The following CSMD3 variants were observed in gnomAD, a reference collection of about 807,000 sequenced individuals.
CSMD3 encodes the protein CUB and Sushi multiple domains 3.
CSMD3 carries 177 observed loss-of-function variants against 435.2 expected under a neutral mutation model. The observed-to-expected ratio is 0.41, with a 90% CI of 0.36 to 0.46. CSMD3 has a LOEUF of 0.46. CSMD3 is among the 20% of genes least tolerant of loss of function. CSMD3 has a pLI of 0.34. For missense variants in CSMD3, 4,265 were observed against 4,504.6 expected (o/e 0.95, Z 1.52); for synonymous variants, 1,656 against 1,520.5 (o/e 1.09, Z -2.07).
intron 13 of CSMD3, among the ~76,000 whole-genome samples, chr8:112,785,054 A>C (rs551099134): frequency 6.6e-6 from 1 of 152,112 alleles, no homozygotes; most frequent in East Asian, 1.9e-4. Context: ...CATTAAAGAG[A>C]TCATTCATTA....
Position 113,129,254 on chromosome 8 carries a change from G to A in CSMD3, c.710-30291C>T, listed in dbSNP as rs564881094. ...AGGCTTGACTTATTTCTTCTTGGGG[G>A]ATATTCCCACCATTTGAAGGCAAAA... On this transcript the variant is annotated intron_variant, in intron 4 of 70. Coordinates refer to ENST00000297405, the MANE Select transcript of CSMD3 (RefSeq NM_198123.2). 8.8e-4 allele frequency among the ~76,000 whole-genome samples: 134 copies of A among 152,186 alleles called. 1 individual carries two copies. Among genetic ancestry groups the A allele is most frequent in the Non-Finnish European group, 4.1e-4 (28 of 67,984 alleles).
chr8:112,318,292 C>T (rs1822665396), intron 47 of CSMD3, among the ~76,000 whole-genome samples: 1 of 152,018 alleles, frequency 6.6e-6, no homozygotes, highest in Non-Finnish European at 1.5e-5. Flanking sequence ...TATGAATCTA[C>T]AGCTTCCTGG....
chr8:113,197,237 T>G (rs969258044), intron 3 of CSMD3, among the ~76,000 whole-genome samples: 1 of 151,210 alleles, frequency 6.6e-6, no homozygotes, highest in Admixed American at 6.6e-5. Flanking sequence ...TATGTCACAG[T>G]CAAAACTTTG....
At chr8:112,879,592 G>A (rs939128520) in intron 10 of CSMD3, among the ~76,000 whole-genome samples, 4 of 152,038 alleles carry the variant, frequency 2.6e-5, no homozygotes, top group African/African-American at 9.7e-5. Context: ...AAACTTGCTG[G>A]TTTTGTGGCC....
At chr8:112,479,263 C>T (rs1476172913) in intron 31 of CSMD3, among the ~76,000 whole-genome samples, 2 of 152,162 alleles carry the variant, frequency 1.3e-5, no homozygotes, top group Non-Finnish European at 2.9e-5. Context: ...AAAGACATGA[C>T]TTAAAGTTGG....
At chr8:113,034,616 G>A (rs1264153577) in intron 5 of CSMD3, among the ~76,000 whole-genome samples, 1 of 152,036 alleles carries the variant, frequency 6.6e-6, no homozygotes, top group Non-Finnish European at 1.5e-5. Context: ...TTAGTAGAGA[G>A]TGTTTCAGAA....
intron 22 of CSMD3, among the ~76,000 whole-genome samples, chr8:112,589,974 T>C (rs1386211639): frequency 1.3e-5 from 2 of 152,266 alleles, no homozygotes; most frequent in Middle Eastern, 3.4e-3. Context: ...GAATAGCATA[T>C]GTAAAATAAA....
At chr8:112,651,451 A>C (rs1157285883) in intron 18 of CSMD3, among the ~76,000 whole-genome samples, 1 of 152,162 alleles carries the variant, frequency 6.6e-6, no homozygotes, top group African/African-American at 2.4e-5. Context: ...ACTAAAATAC[A>C]ATAGAGACAA....
Position 112,330,910 on chromosome 8 carries a change from C to A in CSMD3, c.7165+4419G>T, listed in dbSNP as rs150082248. ...TTGTTTTGATTTTTCAAAAAGGGAT[C>A]ATTCTTTGAAGTCAGGCAGACCTAT... On this transcript the variant is annotated intron_variant, in intron 45 of 70. Transcript: ENST00000297405. 5.6e-3 allele frequency among the ~76,000 whole-genome samples: 857 copies of A among 152,104 alleles called. 10 individuals are homozygous for A. Among genetic ancestry groups the A allele is most frequent in the African/African-American group, 0.019 (805 of 41,548 alleles).
intron 5 of CSMD3, among the ~76,000 whole-genome samples, chr8:113,039,442 T>C (rs1008848789): frequency 6.6e-6 from 1 of 152,198 alleles, no homozygotes; most frequent in Non-Finnish European, 1.5e-5. Flanking sequence ...TATGAAGATA[T>C]ATTCACAACA....
rs541503737 is a variant in CSMD3 at position 113,337,895 on chromosome 8, A to G, written c.179-23102T>C. 8.5e-5 allele frequency among the ~76,000 whole-genome samples: 13 copies of G among 152,134 alleles called. No individual in the cohort carries two copies. In the South Asian group the frequency reaches 2.5e-3, roughly 29 times the overall value. On this transcript the variant is annotated intron_variant, in intron 1 of 70. Coordinates refer to ENST00000297405, the MANE Select transcript of CSMD3 (RefSeq NM_198123.2). ...ACTAAGGTAATGCATATGTTAATTA[A>G]CTCAGTTTAGACATTCCATAATATG...
At chr8:113,155,273 A>G (rs1267194417) in intron 4 of CSMD3, among the ~76,000 whole-genome samples, 1 of 152,026 alleles carries the variant, frequency 6.6e-6, no homozygotes, top group Non-Finnish European at 1.5e-5. Context: ...ACCATTCTCC[A>G]GTTCCTTAAT....
intron 22 of CSMD3, among the ~76,000 whole-genome samples, chr8:112,624,568 C>T (rs1385325602): frequency 6.6e-6 from 1 of 152,074 alleles, no homozygotes; most frequent in Non-Finnish European, 1.5e-5. Flanking sequence ...ATCACTTCAT[C>T]TCTCTGATCA....
At chr8:112,506,653 T>C (rs568924006) in intron 29 of CSMD3, 38 bp downstream of exon 29, 2 of 1,604,890 alleles carry the variant, frequency 1.2e-6, no homozygotes, top group South Asian at 2.2e-5. Flanking sequence ...CCTAACAATA[T>C]ATTTTTTTAA....
At chr8:112,903,589 C>A (rs2130462285) in intron 10 of CSMD3, among the ~76,000 whole-genome samples, 1 of 150,802 alleles carries the variant, frequency 6.6e-6, no homozygotes, top group African/African-American at 2.4e-5. Flanking sequence ...TTCAGAATTA[C>A]CCCTGGAGCC....
intron 3 of CSMD3, among the ~76,000 whole-genome samples, chr8:113,233,355 T>C (rs2132200913): frequency 6.6e-6 from 1 of 151,430 alleles, no homozygotes; most frequent in East Asian, 1.9e-4. Flanking sequence ...ATGTCTTGAC[T>C]GTATAATAAA....
chr8:112,538,271 T>G (rs1826330202), intron 27 of CSMD3, among the ~76,000 whole-genome samples: 1 of 152,092 alleles, frequency 6.6e-6, no homozygotes, highest in African/African-American at 2.4e-5. Context: ...CAGCCTTTTT[T>G]CTAAGATCTG....
intron 35 of CSMD3, among the ~76,000 whole-genome samples, chr8:112,397,536 T>A (rs1344841825): frequency 6.6e-6 from 1 of 152,166 alleles, no homozygotes; most frequent in Non-Finnish European, 1.5e-5. Flanking sequence ...GAAATTTATT[T>A]CTCACAGTTC....
At chr8:113,262,582 A>T (rs1442571745) in intron 3 of CSMD3, among the ~76,000 whole-genome samples, 1 of 152,048 alleles carries the variant, frequency 6.6e-6, no homozygotes, top group Non-Finnish European at 1.5e-5. Flanking sequence ...AACTCTTTTT[A>T]GCCAACTAAA....
Sources: gnomAD v4.1 joint callset for allele counts (sites outside exome capture counted in the v4.1 genomes callset) on GRCh38, gnomAD v4.1.1 for gene constraint, MANE v1.5 for transcripts, NCBI Gene and HGNC (gene_info 2026-07-23, HGNC 2026-07-21) for gene names.